The following CERS5 variants were observed in gnomAD, a reference collection of about 807,000 sequenced individuals.
The protein encoded by CERS5 is ceramide synthase 5.
A neutral mutation model predicts 58.9 loss-of-function variants in CERS5; 37 were observed. The ratio of observed to expected loss-of-function variants is 0.63; its 90% CI spans 0.48 to 0.83. CERS5 has a LOEUF of 0.83. Among genes scored for constraint, CERS5 ranks in the 40% least tolerant of loss-of-function variants. The probability of loss-of-function intolerance (pLI) is 0.00; values close to 1 mark genes in which losing one functional copy is unlikely to be tolerated. For missense variants in CERS5, 398 were observed against 489.3 expected (o/e 0.81, Z 1.76); for synonymous variants, 147 against 177.8 (o/e 0.83, Z 1.38).
In CERS5 at chr12:50,137,832, AAAG is replaced by A. The variant is rs1158938084; in HGVS notation, c.544-15_544-13del. On this transcript the variant is annotated splice_polypyrimidine_tract_variant and intron_variant, in intron 5 of 9. Coordinates refer to ENST00000317551, the MANE Select transcript of CERS5 (RefSeq NM_147190.5). ...CCACTTGAAAGAGGCTGGAAGAGAG[AAAG>A]AAGTAGTTAGATTACCGGCTAGTCA... is the stretch of plus-strand genomic sequence containing the variant. 1.3e-6 allele frequency: 2 copies of A among 1,555,884 alleles called. No homozygotes were observed. Among genetic ancestry groups the A allele is most frequent in the Non-Finnish European group, 1.8e-6 (2 of 1,128,994 alleles).
chr12:50,153,335 C>T (rs999530076), intron 1 of CERS5, among the ~76,000 whole-genome samples: 8 of 133,332 alleles, frequency 6.0e-5, no homozygotes, highest in Non-Finnish European at 9.4e-5. Context: ...GCTGGAGTCC[C>T]GTGGCATGAT....
intron 8 of CERS5, among the ~76,000 whole-genome samples, chr12:50,135,230 ACAGG>A (rs1951602876): frequency 3.7e-5 from 2 of 53,514 alleles, no homozygotes; most frequent in African/African-American, 1.8e-4. Flanking sequence ...AGAGAGGAGG[ACAGG>A]GAGGGAGAGA....
chr12:50,132,955 C>T (rs1262588931), intron 9 of CERS5: 2 of 1,288,964 alleles, frequency 1.6e-6, no homozygotes, highest in Non-Finnish European at 2.0e-6. Flanking sequence ...AGCACAGATA[C>T]ACTTACATGC....
intron 5 of CERS5, among the ~76,000 whole-genome samples, 168 bp downstream of exon 5, chr12:50,138,399 G>GC (rs975683423): frequency 7.7e-6 from 1 of 130,686 alleles, no homozygotes; most frequent in Non-Finnish European, 1.6e-5. Context: ...TCTTAGCAGT[G>GC]GGGGGGAAAA....
intron 1 of CERS5, among the ~76,000 whole-genome samples, chr12:50,155,848 TC>T (rs1394298305): frequency 7.2e-5 from 10 of 138,154 alleles, no homozygotes; most frequent in South Asian, 2.6e-4. Context: ...ACGCCTGTAA[TC>T]CCCAGCACTT....
At position 50,137,737 on chromosome 12, in the gene CERS5, A is replaced by C. The variant is rs770560896; in HGVS notation, c.627T>G (p.Ile209Met). The C allele has an allele frequency of 1.3e-6, 2 of 1,591,778 alleles. No homozygotes were observed. Among genetic ancestry groups the C allele is most frequent in the Non-Finnish European group, 1.7e-6 (2 of 1,161,892 alleles). The change falls in exon 6 of 10, where the codon ATT (isoleucine) becomes ATG (methionine). Residue 209 changes from isoleucine (I) to methionine (M), a missense_variant. Ile to Met is a conservative substitution (Grantham distance 10). Coordinates refer to ENST00000317551, the MANE Select transcript of CERS5 (RefSeq NM_147190.5). ...WSLMFSQFTD[I>M]KRKDFLIMFV... ...GAGCCAACGTCCTTACCTTTCTTTT[A>C]ATGTCTGTAAACTGAGAAAACATAA...
intron 3 of CERS5, 133 bp from the exon 4 acceptor site, chr12:50,142,243 A>T (rs1234197906): frequency 3.2e-6 from 2 of 631,360 alleles, no homozygotes; most frequent in African/African-American, 3.8e-5. Context: ...AGAATAGGCA[A>T]CTACTGTCAT....
At chr12:50,143,769 T>C (rs188293250) in intron 2 of CERS5, 183 bp downstream of exon 2, 1 of 512,200 alleles carries the variant, frequency 2.0e-6, no homozygotes, top group African/African-American at 1.9e-5. Flanking sequence ...AAACTTGACA[T>C]ACGTAGGGCC....
At chr12:50,153,956 AAAC>A (rs1338263685) in intron 1 of CERS5, 31 of 341,422 alleles carry the variant, frequency 9.1e-5, no homozygotes, top group Admixed American at 3.1e-4. Context: ...CACCACCTCA[AAAC>A]AACAACAACA....
intron 1 of CERS5, chr12:50,147,407 CAAAA>C (rs397958643): frequency 2.7e-5 from 3 of 109,760 alleles, no homozygotes; most frequent in East Asian, 2.5e-4. Flanking sequence ...ACTCCATCTC[CAAAA>C]AAAAAAAAAA....
At chr12:50,148,944 A>ATG (rs1324420580) in intron 1 of CERS5, among the ~76,000 whole-genome samples, 88 of 121,222 alleles carry the variant, frequency 7.3e-4, no homozygotes, top group African/African-American at 2.0e-3. Flanking sequence ...ATATATATAT[A>ATG]TATGTGTGTG....
At chr12:50,131,834 C>A (rs969880818) in intron 9 of CERS5, among the ~76,000 whole-genome samples, 1 of 152,118 alleles carries the variant, frequency 6.6e-6, no homozygotes, top group African/African-American at 2.4e-5. Flanking sequence ...CAGTGGCTTA[C>A]ACCTATAATC....
chr12:50,149,955 C>T (rs1373350249), intron 1 of CERS5, among the ~76,000 whole-genome samples: 1 of 152,156 alleles, frequency 6.6e-6, no homozygotes, highest in African/African-American at 2.4e-5. Flanking sequence ...ATTGGCCAGG[C>T]TGGTCTTGAG....
rs1455428434 is a variant in CERS5, at chr12:50,137,746, A to T, written c.618T>A (p.Phe206Leu). ...AFYWSLMFSQ[F>L]TDIKRKDFLI... is the part of the protein sequence containing the mutation. ...TCCTTACCTTTCTTTTAATGTCTGT[A>T]AACTGAGAAAACATAAGGGACCAAT... The change falls in exon 6 of 10, where the codon TTT becomes TTA. Residue 206 changes from phenylalanine (F) to leucine (L), a missense_variant. Phe to Leu is a conservative substitution (Grantham distance 22). Transcript: ENST00000317551. 6 of 1,603,018 alleles carry T rather than the reference A, an allele frequency of 3.7e-6. No individual in the cohort carries two copies. The highest frequency in any genetic ancestry group is 1.7e-6 in the Non-Finnish European group (2 of 1,170,970).
At chr12:50,137,400 T>C (rs1240396506) in intron 6 of CERS5, among the ~76,000 whole-genome samples, 1 of 152,186 alleles carries the variant, frequency 6.6e-6, no homozygotes, top group Non-Finnish European at 1.5e-5. Context: ...GAATCAGACA[T>C]TTTTTCTGAA....
chr12:50,163,732 A>G (rs1592455692), intron 1 of CERS5, among the ~76,000 whole-genome samples: 2 of 151,702 alleles, frequency 1.3e-5, no homozygotes, highest in South Asian at 2.1e-4. Flanking sequence ...TGCAGTCTCA[A>G]CCTCCCGGGT....
intron 1 of CERS5, among the ~76,000 whole-genome samples, chr12:50,156,302 G>C (rs1279258330): frequency 1.3e-5 from 2 of 148,692 alleles, no homozygotes; most frequent in Non-Finnish European, 3.0e-5. Flanking sequence ...TGCTGGGGAG[G>C]CCAAGGCAGG....
At chr12:50,161,083 C>T (rs558194250) in intron 1 of CERS5, among the ~76,000 whole-genome samples, 2 of 152,192 alleles carry the variant, frequency 1.3e-5, no homozygotes, top group Non-Finnish European at 2.9e-5. Context: ...CCTTCTCAAT[C>T]ATTATACTCA....
chr12:50,148,923 AAAAAATAT>A (rs1231715802), intron 1 of CERS5, among the ~76,000 whole-genome samples: 829 of 73,364 alleles, frequency 0.011, 5 homozygotes, highest in South Asian at 0.032. Context: ...AAAAAAAAAA[AAAAAATAT>A]ATATATATAT....
Sources: gnomAD v4.1 joint callset for allele counts (sites outside exome capture counted in the v4.1 genomes callset) on GRCh38, gnomAD v4.1.1 for gene constraint, MANE v1.5 for transcripts, NCBI Gene and HGNC (gene_info 2026-07-23, HGNC 2026-07-21) for gene names.